The following IL1RAPL2 variants were observed in gnomAD, a reference collection of about 807,000 sequenced individuals.
IL1RAPL2 encodes X-linked interleukin-1 receptor accessory protein-like 2.
In IL1RAPL2, 3 loss-of-function variants were observed where a neutral mutation model predicts 44.1. That is an observed-to-expected ratio of 0.07 (90% confidence interval 0.03 to 0.18). The LOEUF (loss-of-function observed/expected upper bound fraction) is 0.18, where lower values mean the gene tolerates loss of function less well. Ranked by LOEUF, IL1RAPL2 falls within the 10% of genes least tolerant of loss-of-function variation. The pLI, the probability that IL1RAPL2 is intolerant of heterozygous loss-of-function variation, is 1.00. For missense variants in IL1RAPL2, 391 were observed against 496.4 expected (o/e 0.79, Z 2.02); for synonymous variants, 181 against 178.8 (o/e 1.01, Z -0.10).
chrX:105,041,708 C>T (rs1272594455), intron 2 of IL1RAPL2, among the ~76,000 whole-genome samples: 1 of 108,411 alleles, frequency 9.2e-6, no homozygotes, highest in Non-Finnish European at 1.9e-5. Context: ...ACTTTCTTCA[C>T]AGAATTGGAA....
intron 5 of IL1RAPL2, among the ~76,000 whole-genome samples, chrX:105,321,352 G>A (rs777241583): frequency 3.5e-4 from 39 of 111,431 alleles, no homozygotes; most frequent in Non-Finnish European, 5.5e-4. Flanking sequence ...AGACCAGCAT[G>A]CAGATATCCC....
At chrX:104,941,779 C>G (rs1456633197) in intron 2 of IL1RAPL2, among the ~76,000 whole-genome samples, 4 of 111,553 alleles carry the variant, frequency 3.6e-5, no homozygotes, top group African/African-American at 1.3e-4. Context: ...TTGCCCATGC[C>G]CATGTCCTGA....
chrX:105,049,029 C>T (rs916378254), intron 2 of IL1RAPL2, among the ~76,000 whole-genome samples: 1 of 111,896 alleles, frequency 8.9e-6, no homozygotes, highest in East Asian at 2.8e-4. Context: ...CCAAAATCCC[C>T]TTTTGCCCTG....
intron 2 of IL1RAPL2, among the ~76,000 whole-genome samples, chrX:104,823,785 G>T (rs1279119452): frequency 1.8e-5 from 2 of 111,752 alleles, no homozygotes; most frequent in African/African-American, 6.5e-5. Context: ...AGGATTTTTT[G>T]GGCTGAGACA....
At chrX:104,648,162 A>G (rs999583397) in intron 1 of IL1RAPL2, among the ~76,000 whole-genome samples, 1 of 111,557 alleles carries the variant, frequency 9.0e-6, no homozygotes, top group Non-Finnish European at 1.9e-5. Context: ...GTGGAATCAT[A>G]TCTATTTTTC....
intron 6 of IL1RAPL2, among the ~76,000 whole-genome samples, chrX:105,527,135 G>A (rs1257266081): frequency 1.8e-5 from 2 of 111,346 alleles, no homozygotes; most frequent in Non-Finnish European, 3.8e-5. Flanking sequence ...TTCTATTAAC[G>A]AGAATTTGAC....
chrX:104,781,109 T>C (rs913375863), intron 2 of IL1RAPL2, among the ~76,000 whole-genome samples: 3 of 110,222 alleles, frequency 2.7e-5, no homozygotes, highest in Non-Finnish European at 5.7e-5. Flanking sequence ...TATTTACTGC[T>C]TTAATTGACT....
Position 105,267,418 on chromosome X carries a change from A to G in IL1RAPL2, c.574A>G (p.Ile192Val), listed in dbSNP as rs2034411794. The change falls in exon 5 of 11, where the codon ATA becomes GTA. Residue 192 changes from isoleucine (I) to valine (V), a missense_variant. Coordinates refer to ENST00000372582, the MANE Select transcript of IL1RAPL2 (RefSeq NM_017416.2). ...CAAGCCAAAAATGTGGAGAAGCATA[A>G]TAATACAGAAAGGAAATGCTCTTCT... ...ECKPKMWRSIIIQKGNALLIQ... is the reference protein window; with the variant it reads ...ECKPKMWRSIVIQKGNALLIQ... 1.7e-6 allele frequency: 2 copies of G among 1,202,344 alleles called. No individual in the cohort carries two copies. The highest frequency in any genetic ancestry group is 2.3e-5 in the Admixed American group (1 of 43,832).
At chrX:104,574,843 A>G (rs1928216491) in intron 1 of IL1RAPL2, among the ~76,000 whole-genome samples, 1 of 112,369 alleles carries the variant, frequency 8.9e-6, no homozygotes, top group Admixed American at 9.4e-5. Flanking sequence ...GTGTACATCT[A>G]TGTGTGCATA....
intron 2 of IL1RAPL2, among the ~76,000 whole-genome samples, chrX:104,975,744 C>T (rs1228534816): frequency 8.9e-6 from 1 of 112,003 alleles, no homozygotes. Context: ...GTACAGGGCC[C>T]CTCTCCAGGT....
intron 2 of IL1RAPL2, among the ~76,000 whole-genome samples, chrX:104,675,634 G>C (rs890101186): frequency 7.2e-5 from 8 of 110,918 alleles, no homozygotes; most frequent in African/African-American, 2.3e-4. Context: ...GCAGAGCTGA[G>C]TTCAATTCCT....
intron 5 of IL1RAPL2, among the ~76,000 whole-genome samples, chrX:105,437,133 AT>A (rs748421333): frequency 9.2e-6 from 1 of 108,568 alleles, no homozygotes; most frequent in Admixed American, 1.0e-4. Context: ...GTGAGAATTC[AT>A]TTGTAAATTA....
chrX:105,136,492 C>T (rs2033077923), intron 2 of IL1RAPL2, among the ~76,000 whole-genome samples: 1 of 112,395 alleles, frequency 8.9e-6, no homozygotes, highest in Non-Finnish European at 1.9e-5. Flanking sequence ...TAAATGAGCA[C>T]TTGGATGACT....
chrX:104,749,204 G>A (rs1205438966), intron 2 of IL1RAPL2, among the ~76,000 whole-genome samples: 4 of 111,001 alleles, frequency 3.6e-5, no homozygotes, highest in Admixed American at 1.9e-4. Context: ...AAGAACTTAG[G>A]GAAAATAGGA....
At chrX:105,555,075 T>G (rs2036886879) in intron 6 of IL1RAPL2, among the ~76,000 whole-genome samples, 1 of 106,754 alleles carries the variant, frequency 9.4e-6, no homozygotes, top group Admixed American at 1.0e-4. Flanking sequence ...CTCTGGTAGT[T>G]GTTTTTTTTT....
intron 2 of IL1RAPL2, among the ~76,000 whole-genome samples, chrX:105,015,794 C>T (rs1037117000): frequency 6.3e-5 from 7 of 111,530 alleles, no homozygotes; most frequent in Admixed American, 9.5e-5. Context: ...CTTGGCTATG[C>T]GGGCTCTTTT....
At chrX:104,935,742 T>C (rs1208230824) in intron 2 of IL1RAPL2, among the ~76,000 whole-genome samples, 1 of 112,066 alleles carries the variant, frequency 8.9e-6, no homozygotes, top group Non-Finnish European at 1.9e-5. Context: ...ACTTTCTTAG[T>C]AGGCACAGAG....
chrX:105,284,160 C>T (rs976440652), intron 5 of IL1RAPL2, among the ~76,000 whole-genome samples: 2 of 111,431 alleles, frequency 1.8e-5, no homozygotes, highest in African/African-American at 3.3e-5. Context: ...TACCACAGTA[C>T]TGAATAGTAC....
At chrX:105,377,155 A>G (rs1466674200) in intron 5 of IL1RAPL2, among the ~76,000 whole-genome samples, 1 of 111,257 alleles carries the variant, frequency 9.0e-6, no homozygotes, top group Non-Finnish European at 1.9e-5. Context: ...TTTTTCTTTT[A>G]CACAAATGGG....
Sources: gnomAD v4.1 joint callset for allele counts (sites outside exome capture counted in the v4.1 genomes callset) on GRCh38, gnomAD v4.1.1 for gene constraint, MANE v1.5 for transcripts, NCBI Gene and HGNC (gene_info 2026-07-23, HGNC 2026-07-21) for gene names.